The following EPB41L2 variants were observed in gnomAD, a reference collection of about 807,000 sequenced individuals.
EPB41L2 encodes the protein band 4.1-like protein 2.
A neutral mutation model predicts 113.0 loss-of-function variants in EPB41L2; 43 were observed. The ratio of observed to expected loss-of-function variants is 0.38; its 90% CI spans 0.30 to 0.49. The LOEUF is 0.49. Ranked by LOEUF, EPB41L2 falls within the 20% of genes least tolerant of loss-of-function variation. The probability of loss-of-function intolerance (pLI) is 0.95; values close to 1 mark genes in which losing one functional copy is unlikely to be tolerated. For synonymous variants in EPB41L2, 442 were observed against 436.7 expected (o/e 1.01, Z -0.15); for missense variants, 1,147 against 1,223.4 (o/e 0.94, Z 0.93).
intron 15 of EPB41L2, chr6:130,867,937 G>GACACACAC (rs58752395): frequency 0.025 from 4,407 of 178,756 alleles, 108 homozygotes; most frequent in East Asian, 0.1. Context: ...AGTGTATAGT[G>GACACACAC]ACACACACAC....
At chr6:130,879,993 C>A (rs879715217) in intron 13 of EPB41L2, 151 bp downstream of exon 13, 7 of 596,778 alleles carry the variant, frequency 1.2e-5, no homozygotes, top group Non-Finnish European at 2.1e-5. Flanking sequence ...GGAACACCGT[C>A]AGGCTGGTAA....
intron 1 of EPB41L2, among the ~76,000 whole-genome samples, chr6:131,055,646 GA>G (rs1487083946): frequency 6.6e-6 from 1 of 152,134 alleles, no homozygotes; most frequent in Non-Finnish European, 1.5e-5. Flanking sequence ...GGAACTCACA[GA>G]AAAAACAAGG....
At chr6:130,951,744 T>A (rs1815192194) in intron 3 of EPB41L2, among the ~76,000 whole-genome samples, 1 of 152,018 alleles carries the variant, frequency 6.6e-6, no homozygotes, top group Non-Finnish European at 1.5e-5. Flanking sequence ...TTGCCCACTA[T>A]ACTGTTATCA....
chr6:131,034,181 AC>A (rs1251098665), intron 1 of EPB41L2, among the ~76,000 whole-genome samples: 1 of 152,204 alleles, frequency 6.6e-6, no homozygotes, highest in Non-Finnish European at 1.5e-5. Flanking sequence ...TATTTTCTTA[AC>A]CACACAAAGG....
At position 131,020,903 on chromosome 6, in the gene EPB41L2, C is replaced by T. The variant is rs548711462; in HGVS notation, c.-15+42252G>A. Among the ~76,000 whole-genome samples, 31 of 152,342 alleles carry T rather than the reference C, an allele frequency of 2.0e-4. No homozygotes were observed. In the South Asian group the frequency reaches 6.2e-3, roughly 31 times the overall value. On this transcript the variant is annotated intron_variant, in intron 1 of 19. Coordinates refer to ENST00000337057, the MANE Select transcript of EPB41L2 (RefSeq NM_001431.4). ...TTCCTGGGCTCAAGCGATCCTCCCG[C>T]CTCAGCCTCCCAAGGAGCTGGAACT...
intron 1 of EPB41L2, among the ~76,000 whole-genome samples, chr6:130,991,634 T>C (rs1180294584): frequency 6.6e-6 from 1 of 152,188 alleles, no homozygotes; most frequent in Non-Finnish European, 1.5e-5. Flanking sequence ...TTTTTTACCG[T>C]TCAGCTCTGT....
chr6:130,888,019 A>T (rs569026791), intron 11 of EPB41L2, among the ~76,000 whole-genome samples: 1 of 152,314 alleles, frequency 6.6e-6, no homozygotes, highest in African/African-American at 2.4e-5. Flanking sequence ...TCATAAGAGG[A>T]TTTATTTTAA....
chr6:130,899,407 G>T, intron 8 of EPB41L2, 84 bp downstream of exon 8: 2 of 1,051,510 alleles, frequency 1.9e-6, no homozygotes, highest in Non-Finnish European at 2.9e-6. Flanking sequence ...CCAAAAATAA[G>T]CTGTGCTATC....
intron 1 of EPB41L2, among the ~76,000 whole-genome samples, chr6:130,999,095 C>G (rs1355866193): frequency 6.6e-6 from 1 of 152,022 alleles, no homozygotes. Context: ...CGAGCACCAC[C>G]GTAGAGTCCA....
Position 130,840,566 on chromosome 6 carries a change from C to T in EPB41L2, c.*38G>A, listed in dbSNP as rs1350374740. ...AACGGTCAAAAAATCTTCAGGGGTT[C>T]ACAAAGTTGAGTGTTGTTTAAAAAA... On this transcript the variant is annotated 3_prime_UTR_variant, in exon 20 of 20. Transcript: ENST00000337057. 6 of 136,214 alleles carry T rather than the reference C, an allele frequency of 4.4e-5. No homozygotes were observed. Among genetic ancestry groups the T allele is most frequent in the Non-Finnish European group, 9.4e-5 (6 of 64,008 alleles). 8.4% of individuals were successfully genotyped at this position (136,214 alleles called of 1,614,324 possible). A position where few individuals can be genotyped will look rare whatever the true frequency, so the allele number is the denominator to read the frequency against.
rs578202065 is a variant in EPB41L2, at chr6:130,995,484, G to C, written c.-14-38985C>G. Among the ~76,000 whole-genome samples the C allele has an allele frequency of 8.5e-5, 13 of 152,342 alleles. No individual in the cohort carries two copies. In the South Asian group the frequency reaches 1.4e-3, roughly 17 times the overall value. On this transcript the variant is annotated intron_variant, in intron 1 of 19. Coordinates refer to ENST00000337057, the MANE Select transcript of EPB41L2 (RefSeq NM_001431.4). Reference sequence around the variant, plus strand: ...TGAAACCACTCCAGCCTGGGTGACAGAGTGAGACCCTGTCTCAAAAATAAT... The same window carrying C: ...TGAAACCACTCCAGCCTGGGTGACACAGTGAGACCCTGTCTCAAAAATAAT...
At chr6:130,971,831 T>C (rs999782925) in intron 1 of EPB41L2, among the ~76,000 whole-genome samples, 10 of 152,190 alleles carry the variant, frequency 6.6e-5, no homozygotes, top group South Asian at 2.1e-4. Flanking sequence ...CTTTCAGATA[T>C]AGAAAAACTG....
intron 1 of EPB41L2, among the ~76,000 whole-genome samples, chr6:131,047,779 C>T (rs965088130): frequency 6.6e-6 from 1 of 152,118 alleles, no homozygotes; most frequent in African/African-American, 2.4e-5. Flanking sequence ...CTAGTTCCAA[C>T]ATATTGCCTC....
chr6:130,914,416 G>C (rs1315655671), intron 4 of EPB41L2, among the ~76,000 whole-genome samples: 1 of 152,052 alleles, frequency 6.6e-6, no homozygotes, highest in Non-Finnish European at 1.5e-5. Context: ...CACAAAATAG[G>C]GTCACTGTAT....
chr6:130,859,213 C>G (rs1052894923), intron 18 of EPB41L2, among the ~76,000 whole-genome samples: 5 of 152,220 alleles, frequency 3.3e-5, no homozygotes, highest in South Asian at 4.2e-4. Flanking sequence ...ATCAGAGAAC[C>G]CTTGAAGTCT....
intron 4 of EPB41L2, among the ~76,000 whole-genome samples, chr6:130,917,143 C>T (rs1328158317): frequency 6.6e-6 from 1 of 152,204 alleles, no homozygotes; most frequent in Non-Finnish European, 1.5e-5. Context: ...CAACCACAGT[C>T]ATCAACTGGC....
chr6:131,021,172 T>C (rs893778815), intron 1 of EPB41L2, among the ~76,000 whole-genome samples: 2 of 152,212 alleles, frequency 1.3e-5, no homozygotes, highest in African/African-American at 4.8e-5. Flanking sequence ...TGCTGTGATC[T>C]TTCCACAGAA....
At chr6:130,967,502 A>G (rs1216886455) in intron 1 of EPB41L2, among the ~76,000 whole-genome samples, 5 of 152,154 alleles carry the variant, frequency 3.3e-5, no homozygotes, top group Admixed American at 6.6e-5. Flanking sequence ...TCTCTGCTGG[A>G]GGGCTGGGAA....
intron 4 of EPB41L2, among the ~76,000 whole-genome samples, chr6:130,922,603 G>A (rs1803230649): frequency 6.6e-6 from 1 of 152,126 alleles, no homozygotes; most frequent in Non-Finnish European, 1.5e-5. Context: ...TCAAATTTCT[G>A]CATCTATAAG....
Sources: gnomAD v4.1 joint callset for allele counts (sites outside exome capture counted in the v4.1 genomes callset) on GRCh38, gnomAD v4.1.1 for gene constraint, MANE v1.5 for transcripts, NCBI Gene and HGNC (gene_info 2026-07-23, HGNC 2026-07-21) for gene names.